Variants in DLGAP2 observed in about 807,000 individuals in gnomAD.
The protein encoded by DLGAP2 is disks large-associated protein 2.
In DLGAP2, 26 loss-of-function variants were observed where a neutral mutation model predicts 100.3. The observed-to-expected ratio is 0.26, with a 90% confidence interval of 0.19 to 0.36. DLGAP2 has a LOEUF of 0.36. Among genes scored for constraint, DLGAP2 ranks in the 10% least tolerant of loss-of-function variants. The pLI is 1.00. For synonymous variants in DLGAP2, 886 were observed against 630.1 expected (o/e 1.41, Z -6.08); for missense variants, 1,858 against 1,453.2 (o/e 1.28, Z -4.53).
intron 3 of DLGAP2, among the ~76,000 whole-genome samples, chr8:1,366,546 A>T (rs746003773): frequency 6.6e-5 from 10 of 152,150 alleles, no homozygotes; most frequent in Non-Finnish European, 1.5e-4. Flanking sequence ...GACCTGGGAC[A>T]AGGCAGAGGT....
intron 2 of DLGAP2, among the ~76,000 whole-genome samples, chr8:1,216,480 G>A (rs1462381087): frequency 6.6e-6 from 1 of 151,512 alleles, no homozygotes. Flanking sequence ...TCCCACGTAT[G>A]TGCCACCATG....
At chr8:1,075,847 G>C (rs1271402485) in intron 2 of DLGAP2, among the ~76,000 whole-genome samples, 6 of 151,936 alleles carry the variant, frequency 3.9e-5, no homozygotes, top group Non-Finnish European at 7.4e-5. Flanking sequence ...TAGGAGGATT[G>C]CTGGAGCCCA....
intron 1 of DLGAP2, among the ~76,000 whole-genome samples, chr8:853,657 A>C (rs989225999): frequency 6.6e-6 from 1 of 152,238 alleles, no homozygotes; most frequent in Non-Finnish European, 1.5e-5. Flanking sequence ...TCTAGGGAGC[A>C]GTCTCAGGCC....
intron 2 of DLGAP2, among the ~76,000 whole-genome samples, chr8:1,197,594 C>T (rs1266969792): frequency 6.6e-6 from 1 of 151,358 alleles, no homozygotes; most frequent in Non-Finnish European, 1.5e-5. Flanking sequence ...TAAACCTGAG[C>T]GAAGCCAATG....
intron 3 of DLGAP2, among the ~76,000 whole-genome samples, chr8:1,480,440 T>G (rs1488668069): frequency 6.6e-6 from 1 of 152,178 alleles, no homozygotes; most frequent in Non-Finnish European, 1.5e-5. Flanking sequence ...CCCACACACA[T>G]ATTTTGCTTA....
intron 2 of DLGAP2, among the ~76,000 whole-genome samples, chr8:972,616 C>CTTTTTTTTTTTCTTATTTATTTAT (rs547635325): frequency 2.0e-5 from 3 of 150,090 alleles, no homozygotes; most frequent in Non-Finnish European, 4.4e-5. Context: ...GTATTTTTTT[C>CTTTTTTTTTTTCTTATTTATTTAT]TTATTTATTT....
Position 1,178,368 on chromosome 8 carries a change from G to T in DLGAP2, c.74-80483G>T, listed in dbSNP as rs183770315. Among the ~76,000 whole-genome samples, 196 of 152,216 alleles carry T rather than the reference G, an allele frequency of 1.3e-3. 1 individual carries two copies. Among genetic ancestry groups the T allele is most frequent in the Admixed American group, 2.9e-3 (45 of 15,294 alleles). ...GTTGCGGAGGGGCGGCAGCAGTGGCGGTGGCAGTGGTTGAGGGAGTTCCTA... is the reference window on the plus strand; with the variant it reads ...GTTGCGGAGGGGCGGCAGCAGTGGCTGTGGCAGTGGTTGAGGGAGTTCCTA... On this transcript the variant is annotated intron_variant, in intron 2 of 14. Transcript: ENST00000637795.
intron 6 of DLGAP2, among the ~76,000 whole-genome samples, chr8:1,587,477 C>T (rs753774901): frequency 1.3e-5 from 2 of 152,122 alleles, no homozygotes; most frequent in Non-Finnish European, 2.9e-5. Flanking sequence ...TTTGTTGTTT[C>T]ATTCTTTATC....
At chr8:1,408,301 C>G (rs1029804338) in intron 3 of DLGAP2, among the ~76,000 whole-genome samples, 1 of 152,242 alleles carries the variant, frequency 6.6e-6, no homozygotes, top group Non-Finnish European at 1.5e-5. Flanking sequence ...GGGTCTGTTT[C>G]CTCACTCTCC....
chr8:852,425 T>C (rs980563684), intron 1 of DLGAP2, among the ~76,000 whole-genome samples: 1 of 152,238 alleles, frequency 6.6e-6, no homozygotes. Flanking sequence ...GCAAATCCAA[T>C]GAAACCATCA....
At chr8:1,215,375 G>C (rs1207265165) in intron 2 of DLGAP2, among the ~76,000 whole-genome samples, 1 of 152,250 alleles carries the variant, frequency 6.6e-6, no homozygotes, top group Non-Finnish European at 1.5e-5. Context: ...TAATCGTGCA[G>C]GTTGAGAGTG....
rs560284574 is a variant in DLGAP2, at chr8:860,938, G to A, written c.19-46974G>A. Among the ~76,000 whole-genome samples the A allele has an allele frequency of 7.3e-4, 111 of 152,266 alleles. 1 individual carries two copies. Among genetic ancestry groups the A allele is most frequent in the Admixed American group, 1.6e-3 (25 of 15,304 alleles). On this transcript the variant is annotated intron_variant, in intron 1 of 14. Transcript: ENST00000637795. ...ATTCTCTTGGGTAGGAAGGCTGCTC[G>A]TGACCTGAAGGTGAGAGCCGTGCCT...
intron 1 of DLGAP2, among the ~76,000 whole-genome samples, chr8:833,556 C>T (rs2132704996): frequency 6.6e-6 from 1 of 152,264 alleles, no homozygotes; most frequent in South Asian, 2.1e-4. Flanking sequence ...GCTCAAGGTT[C>T]TCTGGCTTAA....
At chr8:748,790 C>T (rs1444619084) in intron 1 of DLGAP2, among the ~76,000 whole-genome samples, 2 of 152,204 alleles carry the variant, frequency 1.3e-5, no homozygotes, top group Non-Finnish European at 2.9e-5. Context: ...CAGCCAGTGG[C>T]TTCCCAGTGG....
intron 2 of DLGAP2, among the ~76,000 whole-genome samples, chr8:1,202,638 TG>T (rs942580705): frequency 6.6e-6 from 1 of 152,066 alleles, no homozygotes; most frequent in Non-Finnish European, 1.5e-5. Flanking sequence ...GCTCTGGGGA[TG>T]GGGGGCCAGG....
intron 3 of DLGAP2, among the ~76,000 whole-genome samples, chr8:1,492,413 TC>T (rs1799413901): frequency 1.3e-5 from 2 of 152,240 alleles, no homozygotes; most frequent in Non-Finnish European, 1.5e-5. Flanking sequence ...AGTAAACTTT[TC>T]AAGAGTTAGA....
intron 2 of DLGAP2, among the ~76,000 whole-genome samples, chr8:1,052,549 C>T (rs1000399637): frequency 2.6e-5 from 4 of 152,104 alleles, no homozygotes; most frequent in South Asian, 2.1e-4. Flanking sequence ...AATCCTTTGA[C>T]GGGGACTCAC....
chr8:1,232,982 C>G (rs1035443185), intron 2 of DLGAP2, among the ~76,000 whole-genome samples: 1 of 152,224 alleles, frequency 6.6e-6, no homozygotes, highest in Non-Finnish European at 1.5e-5. Flanking sequence ...CTTCCTGTCT[C>G]TATGAACTTG....
intron 1 of DLGAP2, among the ~76,000 whole-genome samples, chr8:906,016 C>T (rs1798372318): frequency 6.6e-6 from 1 of 152,248 alleles, no homozygotes. Context: ...GGGTTGCCTG[C>T]ACTTGCGTTA....
Sources: gnomAD v4.1 joint callset for allele counts (sites outside exome capture counted in the v4.1 genomes callset) on GRCh38, gnomAD v4.1.1 for gene constraint, MANE v1.5 for transcripts, NCBI Gene and HGNC (gene_info 2026-07-23, HGNC 2026-07-21) for gene names.